NDUFA10: variants seen among roughly 807,000 people sequenced by gnomAD.
NDUFA10 encodes NADH:ubiquinone oxidoreductase subunit A10.
In NDUFA10, 40 loss-of-function variants were observed where a neutral mutation model predicts 47.8. That is an observed-to-expected ratio of 0.84 (90% CI 0.65 to 1.09). The LOEUF (loss-of-function observed/expected upper bound fraction) is 1.09. NDUFA10 is among the 50% of genes least tolerant of loss of function. The probability of loss-of-function intolerance (pLI) is 0.00; values close to 1 mark genes in which losing one functional copy is unlikely to be tolerated. For missense variants in NDUFA10, 413 were observed against 451.1 expected, an observed-to-expected ratio of 0.92 and a Z score of 0.76; for synonymous variants, 183 against 172.2, an observed-to-expected ratio of 1.06 and a Z score of -0.49.
chr2:240,010,042 G>A (rs1005242084), intron 6 of NDUFA10, among the ~76,000 whole-genome samples: 2 of 152,192 alleles, frequency 1.3e-5, no homozygotes, highest in Non-Finnish European at 2.9e-5. Context: ...GAATTTCTAT[G>A]AGAAAACTTT....
In NDUFA10 at chr2:240,005,300, G is replaced by A. The variant is rs190560185; in HGVS notation, c.805-5C>T. ...GTATTCAATGTCCTCTACCACCTAA[G>A]ACAGGAAAAATTCCAATTTAAACAG... On this transcript the variant is annotated splice_region_variant and splice_polypyrimidine_tract_variant and intron_variant, in intron 7 of 9. Transcript: ENST00000252711. The A allele has an allele frequency of 6.2e-7, 1 of 1,612,476 alleles. No homozygotes were observed. Among genetic ancestry groups the A allele is most frequent in the Non-Finnish European group, 8.5e-7 (1 of 1,178,556 alleles).
chr2:239,903,332 G>A (rs1373690286), intron 4 of NDUFA10, among the ~76,000 whole-genome samples: 1 of 152,202 alleles, frequency 6.6e-6, no homozygotes, highest in Non-Finnish European at 1.5e-5. Context: ...AGCTCAGGGC[G>A]AGGAGGCTCC....
In NDUFA10 at chr2:240,017,800, C is replaced by A. The variant is rs556146192; in HGVS notation, c.547+753G>T. ...AAGCAGCCAGAAGCAGGCGCCTCCT[C>A]CACAGAATGGTCACCTGGCTTGCTT... On this transcript the variant is annotated intron_variant, in intron 4 of 9. Transcript: ENST00000252711. 1.7e-4 allele frequency: 270 copies of A among 1,551,506 alleles called. 4 individuals carry two copies. In the South Asian group the frequency reaches 3.0e-3, roughly 17 times the overall value.
intron 4 of NDUFA10, among the ~76,000 whole-genome samples, chr2:239,910,459 T>C (rs1363937387): frequency 1.3e-5 from 2 of 152,112 alleles, no homozygotes; most frequent in East Asian, 1.9e-4. Context: ...GTCAAACTAA[T>C]GCAGGAACAG....
chr2:239,998,519 G>A (rs1301418545), intron 8 of NDUFA10, among the ~76,000 whole-genome samples: 1 of 135,122 alleles, frequency 7.4e-6, no homozygotes, highest in African/African-American at 2.6e-5. Flanking sequence ...TCCTTGCGAG[G>A]CTGGCCCTTG....
intron 8 of NDUFA10, among the ~76,000 whole-genome samples, chr2:239,995,412 T>C (rs1696432617): frequency 6.6e-6 from 1 of 152,098 alleles, no homozygotes; most frequent in South Asian, 2.1e-4. Flanking sequence ...GGGTTGTAAA[T>C]GTATACTGGA....
At chr2:239,985,150 A>G (rs572102813) in intron 9 of NDUFA10, among the ~76,000 whole-genome samples, 18 of 152,306 alleles carry the variant, frequency 1.2e-4, no homozygotes, top group African/African-American at 4.3e-4. Context: ...TGAGGCCACC[A>G]AACGCCAAGA....
rs1322688971 is a variant in NDUFA10, at chr2:240,000,970, C to T, written c.890+4240G>A. On this transcript the variant is annotated intron_variant, in intron 8 of 9. Transcript: ENST00000252711. The stretch of plus-strand genomic sequence containing the variant: ...AGAACATATCCCTGTCGTTAAGCAA[C>T]ACAGAACTACATACACAAAGCAGTG... 3.3e-5 allele frequency among the ~76,000 whole-genome samples: 5 copies of T among 152,332 alleles called. No individual in the cohort carries two copies. In the South Asian group the frequency reaches 1.0e-3, roughly 32 times the overall value.
At chr2:240,021,149 A>C (rs1697601074) in intron 3 of NDUFA10, 48 bp downstream of exon 3, 1 of 1,518,806 alleles carries the variant, frequency 6.6e-7, no homozygotes, top group Admixed American at 1.7e-5. Context: ...TGAATTCTAG[A>C]ATAGTGTTCA....
At chr2:239,981,063 T>G (rs995183009) in intron 9 of NDUFA10, among the ~76,000 whole-genome samples, 8 of 152,250 alleles carry the variant, frequency 5.3e-5, no homozygotes, top group Non-Finnish European at 8.8e-5. Flanking sequence ...CTCAGGAATC[T>G]GAGGCCTGGC....
chr2:239,899,453 T>TGGAGGGGTGTGAC (rs1381510392), intron 4 of NDUFA10, among the ~76,000 whole-genome samples: 17 of 143,558 alleles, frequency 1.2e-4, no homozygotes, highest in African/African-American at 3.1e-4. Flanking sequence ...AGGGTTGTGA[T>TGGAGGGGTGTGAC]GGAGGGGTGT....
intron 4 of NDUFA10, among the ~76,000 whole-genome samples, chr2:239,910,833 C>T (rs1693740055): frequency 6.6e-6 from 1 of 151,010 alleles, no homozygotes; most frequent in Non-Finnish European, 1.5e-5. Context: ...GCCACCTTGC[C>T]CACCATGGCA....
intron 8 of NDUFA10, among the ~76,000 whole-genome samples, chr2:240,004,276 C>T (rs2106468766): frequency 6.6e-6 from 1 of 152,296 alleles, no homozygotes; most frequent in South Asian, 2.1e-4. Context: ...GTCTCCTTGG[C>T]AGGAGCAGTT....
intron 4 of NDUFA10, among the ~76,000 whole-genome samples, chr2:239,929,235 G>A (rs1345826813): frequency 6.6e-6 from 1 of 152,216 alleles, no homozygotes; most frequent in Non-Finnish European, 1.5e-5. Context: ...CTGCTGCCCT[G>A]GAGACAGGGA....
chr2:239,983,518 C>A (rs1187266013), intron 9 of NDUFA10: 1 of 1,599,854 alleles, frequency 6.3e-7, no homozygotes, highest in Admixed American at 1.7e-5. Context: ...AATTCTTACT[C>A]AACAAAGGAA....
At chr2:239,898,925 T>TGGAGGGGTGTGAC (rs1197547168) in intron 4 of NDUFA10, among the ~76,000 whole-genome samples, 1 of 149,988 alleles carries the variant, frequency 6.7e-6, no homozygotes, top group Non-Finnish European at 1.5e-5. Flanking sequence ...AAGGTTGTGA[T>TGGAGGGGTGTGAC]GGAGGGGTGT....
intron 4 of NDUFA10, among the ~76,000 whole-genome samples, chr2:239,898,852 C>T (rs1263654486): frequency 2.6e-5 from 4 of 152,164 alleles, no homozygotes; most frequent in African/African-American, 9.7e-5. Flanking sequence ...TCTGAGCTTA[C>T]AGCATGCCAG....
intron 1 of NDUFA10, 37 bp from the exon 2 acceptor site, chr2:240,022,377 C>A (rs1435027450): frequency 6.2e-7 from 1 of 1,613,502 alleles, no homozygotes; most frequent in Admixed American, 1.7e-5. Flanking sequence ...CACATTGTGA[C>A]CACTCTGGTT....
At chr2:240,003,069 C>T (rs116050407) in intron 8 of NDUFA10, among the ~76,000 whole-genome samples, 443 of 152,232 alleles carry the variant, frequency 2.9e-3, no homozygotes, top group Non-Finnish European at 4.3e-3. Context: ...AGGCTGGTCT[C>T]GAACTCCGGG....
Sources: allele counts gnomAD v4.1 joint callset (sites outside exome capture counted in the v4.1 genomes callset), GRCh38; gene constraint gnomAD v4.1.1; transcripts MANE v1.5; gene names NCBI Gene and HGNC (gene_info 2026-07-23, HGNC 2026-07-21).